CTNNA2: variants seen among roughly 807,000 people sequenced by gnomAD.
CTNNA2 encodes the protein catenin alpha-2.
A neutral mutation model predicts 101.0 loss-of-function variants in CTNNA2; 42 were observed. The ratio of observed to expected loss-of-function variants is 0.42; its 90% CI spans 0.32 to 0.54. CTNNA2 has a LOEUF of 0.54. Among genes scored for constraint, CTNNA2 ranks in the 20% least tolerant of loss-of-function variants. CTNNA2 has a pLI of 0.14. For synonymous variants in CTNNA2, 450 were observed against 456.4 expected, an observed-to-expected ratio of 0.99 and a Z score of 0.18; for missense variants, 871 against 1,223.1, an observed-to-expected ratio of 0.71 and a Z score of 4.29.
chr2:80,503,350 C>T (rs896318150), intron 9 of CTNNA2, among the ~76,000 whole-genome samples: 2 of 152,056 alleles, frequency 1.3e-5, no homozygotes, highest in East Asian at 1.9e-4. Context: ...AGATGTTTTC[C>T]GCACAATCAC....
At chr2:79,865,707 T>G (rs1185041198) in intron 4 of CTNNA2, among the ~76,000 whole-genome samples, 1 of 152,200 alleles carries the variant, frequency 6.6e-6, no homozygotes, top group Non-Finnish European at 1.5e-5. Flanking sequence ...ATTATAGGGC[T>G]GCTTTATTTA....
Position 80,302,572 on chromosome 2 carries a change from G to A in CTNNA2, c.1057-90639G>A. ...TCTGCACGGCGTTCTCGGCGTGCTC[G>A]CCGCCTGGAAGAGCCACGGTGGCAG... On this transcript the variant is annotated intron_variant, in intron 7 of 18. Transcript: ENST00000402739. This position sits in a 1 kb window ranked among gnomAD's most constrained non-coding sequence, Gnocchi z 6.4. 1 of 1,607,444 alleles carries A rather than the reference G, an allele frequency of 6.2e-7. No homozygotes were observed. The highest frequency in any genetic ancestry group is 1.1e-5 in the South Asian group (1 of 91,074).
intron 3 of CTNNA2, among the ~76,000 whole-genome samples, chr2:79,341,133 T>C (rs904145749): frequency 6.6e-6 from 1 of 152,116 alleles, no homozygotes; most frequent in Non-Finnish European, 1.5e-5. Flanking sequence ...ATCACACAAC[T>C]GGTGAGTGAG....
chr2:80,229,430 G>A lies in CTNNA2; in HGVS notation c.1057-163781G>A, dbSNP rs530062182. Among the ~76,000 whole-genome samples the A allele has an allele frequency of 1.1e-4, 17 of 152,254 alleles. 1 individual carries two copies. The South Asian group carries it at 2.3e-3, about 20-fold the overall frequency. Reference sequence around the variant, plus strand: ...TAATTGTTAGAATGGCTCACATCACGCAAGAAAAGTTTACTTACCAGATTA... The same window carrying A: ...TAATTGTTAGAATGGCTCACATCACACAAGAAAAGTTTACTTACCAGATTA... On this transcript the variant is annotated intron_variant, in intron 7 of 18. Transcript: ENST00000402739.
intron 7 of CTNNA2, among the ~76,000 whole-genome samples, chr2:80,260,719 T>G (rs1672544990): frequency 6.6e-6 from 1 of 152,128 alleles, no homozygotes; most frequent in Non-Finnish European, 1.5e-5. Context: ...GTTTGTAAAA[T>G]AGCAAAGAGC....
intron 1 of CTNNA2, among the ~76,000 whole-genome samples, chr2:79,557,786 T>A (rs888291074): frequency 6.6e-6 from 1 of 151,940 alleles, no homozygotes; most frequent in Non-Finnish European, 1.5e-5. Context: ...TCTCTGCAGA[T>A]GTGTCTACAT....
chr2:79,485,020 A>G (rs1277216229), intron 4 of CTNNA2, among the ~76,000 whole-genome samples: 1 of 152,192 alleles, frequency 6.6e-6, no homozygotes, highest in Non-Finnish European at 1.5e-5. Context: ...TAGAAATAAA[A>G]CAGATATACC....
At chr2:80,239,762 A>G (rs1000041079) in intron 7 of CTNNA2, among the ~76,000 whole-genome samples, 10 of 151,966 alleles carry the variant, frequency 6.6e-5, no homozygotes, top group African/African-American at 2.4e-4. Flanking sequence ...AAATACAAAA[A>G]TTAGCCAGGC....
At chr2:80,293,471 A>G (rs952820113) in intron 7 of CTNNA2, among the ~76,000 whole-genome samples, 1 of 152,218 alleles carries the variant, frequency 6.6e-6, no homozygotes, top group African/African-American at 2.4e-5. Context: ...AGAAGATCCA[A>G]TCTTTATCCT....
intron 2 of CTNNA2, among the ~76,000 whole-genome samples, chr2:79,680,873 G>A (rs753455763): frequency 3.3e-5 from 5 of 151,814 alleles, no homozygotes; most frequent in African/African-American, 9.7e-5. Context: ...TATCACAAAC[G>A]TCCTCTGTCC....
At chr2:80,062,702 C>CTTTTTTTTT (rs70940073) in intron 7 of CTNNA2, among the ~76,000 whole-genome samples, 1 of 117,508 alleles carries the variant, frequency 8.5e-6, no homozygotes. Flanking sequence ...GCACTGTGAT[C>CTTTTTTTTT]TTTTTTTTTT....
At chr2:79,647,743 G>A (rs1680921805) in intron 1 of CTNNA2, among the ~76,000 whole-genome samples, 2 of 152,124 alleles carry the variant, frequency 1.3e-5, no homozygotes, top group Admixed American at 1.3e-4. Context: ...ATAGTTAATG[G>A]CAAAATCTCA....
chr2:80,029,801 A>T (rs1695173021), intron 7 of CTNNA2, among the ~76,000 whole-genome samples: 1 of 152,136 alleles, frequency 6.6e-6, no homozygotes, highest in Admixed American at 6.5e-5. Context: ...TAGAATAGTA[A>T]CACATGTACC....
intron 2 of CTNNA2, among the ~76,000 whole-genome samples, chr2:79,275,991 G>T (rs1573014533): frequency 6.6e-6 from 1 of 152,094 alleles, no homozygotes; most frequent in Non-Finnish European, 1.5e-5. Context: ...GTTTAGATGG[G>T]ATAAAGTGAA....
At chr2:80,413,791 G>T (rs1420047415) in intron 8 of CTNNA2, among the ~76,000 whole-genome samples, 2 of 152,176 alleles carry the variant, frequency 1.3e-5, no homozygotes, top group African/African-American at 2.4e-5. Context: ...GTAGAGCCTG[G>T]AGCAGCCATA....
chr2:80,295,473 AT>A (rs1408087648), intron 7 of CTNNA2, among the ~76,000 whole-genome samples: 1 of 152,174 alleles, frequency 6.6e-6, no homozygotes, highest in African/African-American at 2.4e-5. Context: ...ATATCTGCTC[AT>A]TAATATTCAG....
At chr2:79,966,280 G>GGCAGGA (rs1280273714) in intron 7 of CTNNA2, among the ~76,000 whole-genome samples, 1 of 152,106 alleles carries the variant, frequency 6.6e-6, no homozygotes, top group African/African-American at 2.4e-5. Context: ...TTATCACCCA[G>GGCAGGA]GCAGGAGTGC....
intron 7 of CTNNA2, among the ~76,000 whole-genome samples, chr2:80,113,710 C>T (rs2148865343): frequency 6.6e-6 from 1 of 152,270 alleles, no homozygotes; most frequent in Middle Eastern, 3.4e-3. Flanking sequence ...AAGTATGGGA[C>T]CCTTGCATTC....
intron 7 of CTNNA2, among the ~76,000 whole-genome samples, chr2:80,184,860 G>A (rs1221831268): frequency 2.0e-5 from 3 of 152,042 alleles, no homozygotes; most frequent in Admixed American, 6.6e-5. Context: ...CCAATGATTG[G>A]CTTTATCTCA....
Sources: gnomAD v4.1 joint callset for allele counts (sites outside exome capture counted in the v4.1 genomes callset) on GRCh38, gnomAD v4.1.1 for gene constraint, Gnocchi (gnomAD v3.1) non-coding constraint, MANE v1.5 for transcripts, NCBI Gene and HGNC (gene_info 2026-07-23, HGNC 2026-07-21) for gene names.